SIPA1L2: variants seen among roughly 807,000 people sequenced by gnomAD.
SIPA1L2 encodes the protein signal-induced proliferation-associated 1-like protein 2.
In SIPA1L2, 56 loss-of-function variants were observed where a neutral mutation model predicts 163.9. That is an observed-to-expected ratio of 0.34 (90% confidence interval 0.28 to 0.43). SIPA1L2 has a LOEUF of 0.43. Among genes scored for constraint, SIPA1L2 ranks in the 20% least tolerant of loss-of-function variants. SIPA1L2 has a pLI of 1.00. For missense variants in SIPA1L2, 1,974 were observed against 2,193.5 expected (o/e 0.90, Z 2.00); for synonymous variants, 877 against 865.7 (o/e 1.01, Z -0.23).
chr1:232,605,426 G>A (rs1442961912), intron 1 of SIPA1L2, among the ~76,000 whole-genome samples: 2 of 152,216 alleles, frequency 1.3e-5, no homozygotes, highest in Admixed American at 1.3e-4. Context: ...TGGGTGTGGT[G>A]GCTCACGCCT....
intron 11 of SIPA1L2, among the ~76,000 whole-genome samples, chr1:232,443,955 T>TAATG (rs1432605055): frequency 6.6e-6 from 1 of 152,178 alleles, no homozygotes; most frequent in African/African-American, 2.4e-5. Context: ...AAAGCACAGA[T>TAATG]AATGACTCCC....
chr1:232,500,210 C>T (rs1572990188), intron 3 of SIPA1L2, among the ~76,000 whole-genome samples: 1 of 152,252 alleles, frequency 6.6e-6, no homozygotes, highest in East Asian at 1.9e-4. Flanking sequence ...CACCCAAGAG[C>T]TCTGACAGAA....
intron 18 of SIPA1L2, among the ~76,000 whole-genome samples, chr1:232,421,266 G>A (rs1022546151): frequency 6.6e-6 from 1 of 151,948 alleles, no homozygotes; most frequent in Non-Finnish European, 1.5e-5. Context: ...AATTCTGAAA[G>A]GGGGGTAGTA....
chr1:232,469,411 A>C (rs906279388), intron 8 of SIPA1L2, among the ~76,000 whole-genome samples: 5 of 152,216 alleles, frequency 3.3e-5, no homozygotes, highest in African/African-American at 4.8e-5. Flanking sequence ...TGGGCATGCC[A>C]ACCTTATTTC....
intron 10 of SIPA1L2, among the ~76,000 whole-genome samples, chr1:232,447,692 G>T (rs2102879154): frequency 6.6e-6 from 1 of 152,298 alleles, no homozygotes; most frequent in Non-Finnish European, 1.5e-5. Flanking sequence ...TTTGGTTCTG[G>T]CTAGTTGATG....
intron 7 of SIPA1L2, among the ~76,000 whole-genome samples, chr1:232,471,807 C>A (rs1290399851): frequency 1.3e-5 from 2 of 151,994 alleles, no homozygotes; most frequent in Non-Finnish European, 2.9e-5. Context: ...CTTTTTAAAC[C>A]CCTAAAATAA....
intron 1 of SIPA1L2, among the ~76,000 whole-genome samples, chr1:232,587,934 C>T (rs1660757233): frequency 6.6e-6 from 1 of 152,322 alleles, no homozygotes; most frequent in East Asian, 1.9e-4. Context: ...GTGCCTTTCA[C>T]CTTCCACCAT....
chr1:232,449,256 C>T (rs578151374), intron 10 of SIPA1L2, among the ~76,000 whole-genome samples: 10 of 152,214 alleles, frequency 6.6e-5, no homozygotes, highest in South Asian at 2.1e-4. Context: ...CGGTGGCTCA[C>T]GCCTGTAATC....
At chr1:232,575,356 G>A (rs1208593690) in intron 1 of SIPA1L2, among the ~76,000 whole-genome samples, 3 of 152,246 alleles carry the variant, frequency 2.0e-5, no homozygotes, top group Non-Finnish European at 1.5e-5. Context: ...TTTGAGAGGC[G>A]ATAAACTATA....
intron 3 of SIPA1L2, among the ~76,000 whole-genome samples, chr1:232,508,184 C>T (rs977090436): frequency 6.6e-6 from 1 of 152,176 alleles, no homozygotes; most frequent in African/African-American, 2.4e-5. Flanking sequence ...AAGGCTCAGA[C>T]AATGATTTAG....
chr1:232,445,222 T>C (rs551902651), intron 11 of SIPA1L2, among the ~76,000 whole-genome samples: 67 of 152,328 alleles, frequency 4.4e-4, no homozygotes, highest in African/African-American at 1.1e-3. Flanking sequence ...TCCAGCAGAA[T>C]AGTTTCTGGG....
At chr1:232,630,287 G>T (rs1028194874), upstream of SIPA1L2, among the ~76,000 whole-genome samples, 1 of 151,794 alleles carries the variant, frequency 6.6e-6, no homozygotes, top group Non-Finnish European at 1.5e-5. Context: ...GCCCGGCTCC[G>T]GGCGCAGCCG....
intron 2 of SIPA1L2, among the ~76,000 whole-genome samples, chr1:232,565,144 A>G (rs1182609312): frequency 6.6e-6 from 1 of 152,244 alleles, no homozygotes. Flanking sequence ...AATAAAAGAA[A>G]ATAGCTAGAT....
chr1:232,420,970 C>T (rs1462379101), intron 18 of SIPA1L2, among the ~76,000 whole-genome samples: 2 of 152,222 alleles, frequency 1.3e-5, no homozygotes, highest in African/African-American at 2.4e-5. Flanking sequence ...GAAACCCGAA[C>T]CAATTTTGCA....
intron 2 of SIPA1L2, among the ~76,000 whole-genome samples, chr1:232,545,006 ATT>A (rs1159500049): frequency 1.3e-5 from 2 of 152,168 alleles, no homozygotes; most frequent in East Asian, 3.8e-4. Context: ...CTGTCTGCTC[ATT>A]TTCATGCCTT....
intron 1 of SIPA1L2, among the ~76,000 whole-genome samples, chr1:232,617,618 A>G (rs79826242): frequency 2.2e-3 from 330 of 152,308 alleles, no homozygotes; most frequent in African/African-American, 7.6e-3. Context: ...ATGCAAGAAC[A>G]TGCAAAACTT....
At chr1:232,438,283 T>C (rs1010875345) in intron 15 of SIPA1L2, among the ~76,000 whole-genome samples, 12 of 152,114 alleles carry the variant, frequency 7.9e-5, no homozygotes, top group African/African-American at 2.4e-4. Context: ...CCCTCCAGCA[T>C]TGTGGGCAGG....
At chr1:232,447,030 T>C (rs1002362599) in intron 10 of SIPA1L2, among the ~76,000 whole-genome samples, 1 of 152,224 alleles carries the variant, frequency 6.6e-6, no homozygotes, top group Admixed American at 6.5e-5. Flanking sequence ...TTACGAAATA[T>C]AAACAGCAAG....
intron 1 of SIPA1L2, among the ~76,000 whole-genome samples, chr1:232,618,497 T>C (rs1049315464): frequency 1.3e-5 from 2 of 151,994 alleles, no homozygotes; most frequent in African/African-American, 4.8e-5. Flanking sequence ...CTACTAAAAA[T>C]ACAAAAATTA....
Sources: gnomAD v4.1 joint callset for allele counts (sites outside exome capture counted in the v4.1 genomes callset) on GRCh38, gnomAD v4.1.1 for gene constraint, MANE v1.5 for transcripts, NCBI Gene and HGNC (gene_info 2026-07-23, HGNC 2026-07-21) for gene names.